TSPAN18: variants seen among roughly 807,000 people sequenced by gnomAD.
TSPAN18 encodes the protein tetraspanin 18, also known as tetraspanin-18.
TSPAN18 carries 14 observed loss-of-function variants against 27.3 expected under a neutral mutation model. The observed-to-expected ratio is 0.51, with a 90% confidence interval of 0.34 to 0.80. TSPAN18 has a LOEUF of 0.80. TSPAN18 is among the 30% of genes least tolerant of loss of function. TSPAN18 has a pLI of 0.01. For synonymous variants in TSPAN18, 143 were observed against 136.5 expected (o/e 1.05, Z -0.33); for missense variants, 268 against 323.9 (o/e 0.83, Z 1.32).
At chr11:44,810,338 A>T (rs979700743) in intron 2 of TSPAN18, among the ~76,000 whole-genome samples, 2 of 151,868 alleles carry the variant, frequency 1.3e-5, no homozygotes, top group African/African-American at 2.4e-5. Context: ...TTCCTTCTCT[A>T]TGGATTTACC....
intron 1 of TSPAN18, among the ~76,000 whole-genome samples, chr11:44,753,913 T>G (rs1185648072): frequency 6.6e-6 from 1 of 152,220 alleles, no homozygotes; most frequent in Non-Finnish European, 1.5e-5. Flanking sequence ...ACACACTTAG[T>G]CTAGAAAACC....
At chr11:44,765,598 G>C (rs969251719) in intron 2 of TSPAN18, among the ~76,000 whole-genome samples, 48 of 152,166 alleles carry the variant, frequency 3.2e-4, no homozygotes, top group African/African-American at 1.1e-3. Context: ...CATTACAGAA[G>C]AGAAAACCAG....
chr11:44,761,734 G>T (rs79251858), intron 1 of TSPAN18, among the ~76,000 whole-genome samples: 1 of 152,198 alleles, frequency 6.6e-6, no homozygotes, highest in African/African-American at 2.4e-5. Flanking sequence ...CCCAGGCTGC[G>T]TGGCTGACAG....
intron 3 of TSPAN18, among the ~76,000 whole-genome samples, chr11:44,868,112 C>T (rs1040507422): frequency 2.6e-5 from 4 of 152,044 alleles, no homozygotes; most frequent in Non-Finnish European, 4.4e-5. Flanking sequence ...AAAAAGGAGG[C>T]CGGGTGCAGC....
At chr11:44,813,079 C>T (rs835841) in intron 2 of TSPAN18, among the ~76,000 whole-genome samples, 77 of 152,330 alleles carry the variant, frequency 5.1e-4, no homozygotes, top group Middle Eastern at 3.4e-3. Context: ...CTCACTCTCC[C>T]AGGGAAAGGG....
intron 1 of TSPAN18, among the ~76,000 whole-genome samples, chr11:44,733,054 A>G (rs554152770): frequency 6.6e-4 from 100 of 152,246 alleles, no homozygotes; most frequent in African/African-American, 2.2e-3. Context: ...CTAATACTCA[A>G]CTGCTTTGGC....
At chr11:44,746,965 A>C (rs1280813767) in intron 1 of TSPAN18, among the ~76,000 whole-genome samples, 1 of 152,184 alleles carries the variant, frequency 6.6e-6, no homozygotes, top group African/African-American at 2.4e-5. Context: ...TCAGGGTGAG[A>C]TGTGGGAAAC....
At chr11:44,888,588 G>T (rs1590633162) in intron 3 of TSPAN18, among the ~76,000 whole-genome samples, 7 of 152,168 alleles carry the variant, frequency 4.6e-5, no homozygotes, top group Non-Finnish European at 1.0e-4. Context: ...CCCTGGGGCT[G>T]GGCTTGGCTT....
At chr11:44,854,200 T>TTG (rs758068325) in intron 2 of TSPAN18, among the ~76,000 whole-genome samples, 1 of 76,754 alleles carries the variant, frequency 1.3e-5, no homozygotes, top group Non-Finnish European at 2.6e-5. Flanking sequence ...GGGCAGGGGG[T>TTG]GGGGGGGGGG....
chr11:44,854,194 AGGGGGTGG>A (rs1006291652), intron 2 of TSPAN18, among the ~76,000 whole-genome samples: 1 of 2,142 alleles, frequency 4.7e-4, no homozygotes, highest in African/African-American at 9.2e-4. Context: ...TCATTGGGGC[AGGGGGTGG>A]GGGGGGGGGT....
At chr11:44,845,130 A>G (rs920007300) in intron 2 of TSPAN18, among the ~76,000 whole-genome samples, 1 of 152,234 alleles carries the variant, frequency 6.6e-6, no homozygotes, top group African/African-American at 2.4e-5. Flanking sequence ...GTAATGTCCC[A>G]TAGACTTTTA....
Position 44,930,831 on chromosome 11 carries a change from G to T in TSPAN18, c.*1653G>T. On this transcript the variant is annotated 3_prime_UTR_variant, in exon 10 of 10. Transcript: ENST00000520358. ...GGATGGAAGGAGCAGTGTGATGTCT[G>T]CTCTCTTCTCTCCCCTCTGTCCCTC... 1 of 492,908 alleles carries T rather than the reference G, an allele frequency of 2.0e-6. No homozygotes were observed. Among genetic ancestry groups the T allele is most frequent in the Non-Finnish European group, 4.2e-6 (1 of 239,030 alleles). 30.5% of individuals were successfully genotyped at this position (492,908 alleles called of 1,614,324 possible).
At chr11:44,862,697 C>T (rs576137253) in intron 3 of TSPAN18, among the ~76,000 whole-genome samples, 212 of 152,334 alleles carry the variant, frequency 1.4e-3, no homozygotes, top group African/African-American at 4.9e-3. Context: ...GTGTCTTGCC[C>T]CCAACCCCTC....
intron 1 of TSPAN18, among the ~76,000 whole-genome samples, chr11:44,739,386 G>A (rs1375029254): frequency 6.6e-6 from 1 of 152,214 alleles, no homozygotes; most frequent in Admixed American, 6.5e-5. Context: ...ACTTTGGGAG[G>A]CTGAGGCGGG....
At chr11:44,761,326 A>G (rs182586713) in intron 1 of TSPAN18, among the ~76,000 whole-genome samples, 1 of 152,210 alleles carries the variant, frequency 6.6e-6, no homozygotes, top group Admixed American at 6.5e-5. Flanking sequence ...AAACCTTGGG[A>G]TTCTTTTCTC....
chr11:44,806,290 C>A (rs2135083674), intron 2 of TSPAN18, among the ~76,000 whole-genome samples: 1 of 152,328 alleles, frequency 6.6e-6, no homozygotes, highest in African/African-American at 2.4e-5. Context: ...CTGCCTCAGC[C>A]TCCCAAAGTG....
intron 1 of TSPAN18, among the ~76,000 whole-genome samples, chr11:44,742,324 CCTTT>C (rs1207004586): frequency 2.4e-5 from 3 of 123,138 alleles, no homozygotes; most frequent in African/African-American, 9.0e-5. Flanking sequence ...TTCCTTTCTT[CCTTT>C]CTTCCTTCCT....
At chr11:44,855,358 T>C (rs547643594) in intron 2 of TSPAN18, among the ~76,000 whole-genome samples, 1 of 152,342 alleles carries the variant, frequency 6.6e-6, no homozygotes, top group East Asian at 1.9e-4. Context: ...CTCTAGCCTG[T>C]TATTTGACCT....
At chr11:44,828,481 T>C (rs1468015259) in intron 2 of TSPAN18, among the ~76,000 whole-genome samples, 1 of 152,092 alleles carries the variant, frequency 6.6e-6, no homozygotes, top group Non-Finnish European at 1.5e-5. Flanking sequence ...GGGCTGGTAT[T>C]GCCACAGGTA....
Sources: allele counts gnomAD v4.1 joint callset (sites outside exome capture counted in the v4.1 genomes callset), GRCh38; gene constraint gnomAD v4.1.1; transcripts MANE v1.5; gene names NCBI Gene and HGNC (gene_info 2026-07-23, HGNC 2026-07-21).